PARP10: variants seen among roughly 807,000 people sequenced by gnomAD.
The protein encoded by PARP10 is poly(ADP-ribose) polymerase family member 10.
A neutral mutation model predicts 82.4 loss-of-function variants in PARP10; 56 were observed. The observed-to-expected ratio is 0.68, with a 90% confidence interval of 0.55 to 0.85. PARP10 has a LOEUF of 0.85. Among genes scored for constraint, PARP10 ranks in the 40% least tolerant of loss-of-function variants. PARP10 has a pLI of 0.00. For synonymous variants in PARP10, 576 were observed against 601.1 expected, an observed-to-expected ratio of 0.96 and a Z score of 0.61; for missense variants, 1,227 against 1,379.4, an observed-to-expected ratio of 0.89 and a Z score of 1.75.
At chr8:143,991,472 C>G, upstream of PARP10, 1 of 1,509,660 alleles carries the variant, frequency 6.6e-7, no homozygotes, top group Non-Finnish European at 8.8e-7. Flanking sequence ...CACAGGGCCC[C>G]TACCCACAAG....
At chr8:143,991,243 T>G, upstream of PARP10, 2 of 1,576,400 alleles carry the variant, frequency 1.3e-6, no homozygotes, top group Non-Finnish European at 1.7e-6. Flanking sequence ...GAAAAGAGTT[T>G]TTTGGTGTCT....
upstream of PARP10, chr8:143,991,672 C>T (rs1554750526): frequency 1.3e-6 from 2 of 1,597,664 alleles, no homozygotes; most frequent in South Asian, 1.1e-5. Context: ...TGGCGCTGAC[C>T]CAGCCTGTCT....
chr8:144,009,438 T>A (rs1409843043), intron 1 of PARP10, among the ~76,000 whole-genome samples: 1 of 152,216 alleles, frequency 6.6e-6, no homozygotes, highest in Admixed American at 6.5e-5. Context: ...GCACTTCTGC[T>A]GTATGTCCTC....
upstream of PARP10, chr8:143,986,503 G>T: frequency 7.6e-7 from 1 of 1,312,340 alleles, no homozygotes; most frequent in Admixed American, 1.8e-5. Context: ...CTGGGCCCTG[G>T]GCGCTGAGGC....
intron 1 of PARP10, among the ~76,000 whole-genome samples, chr8:143,998,293 C>T (rs1255018588): frequency 1.3e-5 from 2 of 152,136 alleles, no homozygotes; most frequent in Non-Finnish European, 2.9e-5. Context: ...CAGCTAGGAA[C>T]CTAGAGGGCT....
At chr8:143,983,875 G>T in intron 7 of PARP10, 64 bp from the exon 8 acceptor site, 1 of 1,520,464 alleles carries the variant, frequency 6.6e-7, no homozygotes, top group Non-Finnish European at 8.8e-7. Flanking sequence ...ATGGATGAAA[G>T]ATGGGGAGCA....
chr8:143,985,729 G>A lies in PARP10; in HGVS notation c.428C>T (p.Ser143Phe). ...CCAACCCTGCCTCTCACCTGCCTCA[G>A]AAAGGGGCTTGGGCAACTGGACCAG... ...RALVQLPKPL[S>F]EADVRVLEEQ... is the part of the protein sequence containing the mutation. Residue 143 changes from serine (S) to phenylalanine (F), a missense_variant, in exon 3 of 11, where the codon TCT becomes TTT. Coordinates refer to ENST00000313028, the MANE Select transcript of PARP10 (RefSeq NM_032789.5). The A allele has an allele frequency of 1.9e-6, 3 of 1,604,770 alleles. No homozygotes were observed. Among genetic ancestry groups the A allele is most frequent in the Non-Finnish European group, 1.7e-6 (2 of 1,174,418 alleles).
chr8:143,983,323 G>A lies in PARP10; in HGVS notation c.2266C>T (p.Arg756Trp), dbSNP rs782311642. The change falls in exon 8 of 11, where the codon CGG (arginine) becomes TGG (tryptophan). Residue 756 changes from arginine (R) to tryptophan (W), a missense_variant. Transcript: ENST00000313028. ...LPAELRARLE[R>W]CHGVSVALRG... is the part of the protein sequence containing the mutation. The stretch of plus-strand genomic sequence containing the variant: ...AGGGCAACACTCACACCATGGCACC[G>A]CTCCAGGCGAGCACGCAGCTCTGCA... 5.6e-6 allele frequency: 9 copies of A among 1,611,458 alleles called. No homozygotes were observed. Among genetic ancestry groups the A allele is most frequent in the East Asian group, 2.2e-5 (1 of 44,816 alleles).
intron 1 of PARP10, among the ~76,000 whole-genome samples, chr8:144,010,629 C>T (rs945109882): frequency 2.0e-5 from 3 of 152,124 alleles, no homozygotes; most frequent in Non-Finnish European, 4.4e-5. Context: ...AATCCCAGCA[C>T]TTTGGGAGGC....
upstream of PARP10, chr8:143,991,676 C>T: frequency 1.3e-6 from 2 of 1,599,874 alleles, no homozygotes; most frequent in Non-Finnish European, 1.7e-6. Context: ...GCTGACCCAG[C>T]CTGTCTGCTT....
Position 143,977,464 on chromosome 8 carries a change from C to A in PARP10, c.*20G>T, listed in dbSNP as rs1382029093. Reference sequence around the variant, plus strand: ...AGCTGGGAGCCTGGGAAGCAGGAGGCCAGAGGGTGGCCCCTTCGGTTAAGT... The same window carrying A: ...AGCTGGGAGCCTGGGAAGCAGGAGGACAGAGGGTGGCCCCTTCGGTTAAGT... On this transcript the variant is annotated 3_prime_UTR_variant, in exon 11 of 11. Coordinates refer to ENST00000313028, the MANE Select transcript of PARP10 (RefSeq NM_032789.5). 1.3e-6 allele frequency: 2 copies of A among 1,519,356 alleles called. No individual in the cohort carries two copies. The highest frequency in any genetic ancestry group is 2.8e-5 in the African/African-American group (2 of 72,570). The allele number at this position is 1,519,356 out of a possible 1,614,324, so 94.1% of individuals were successfully genotyped here. A position where few individuals can be genotyped will look rare whatever the true frequency, so the allele number is the denominator to read the frequency against.
intron 9 of PARP10, among the ~76,000 whole-genome samples, chr8:143,982,296 C>T (rs1216455706): frequency 6.6e-6 from 1 of 152,052 alleles, no homozygotes; most frequent in Non-Finnish European, 1.5e-5. Context: ...GGTGAAACCC[C>T]GTCTCCACTA....
At chr8:143,996,149 G>A (rs1405878153) in intron 1 of PARP10, among the ~76,000 whole-genome samples, 6 of 152,198 alleles carry the variant, frequency 3.9e-5, no homozygotes, top group African/African-American at 1.4e-4. Flanking sequence ...GAGCAGCCAC[G>A]GGCGTGTTCA....
upstream of PARP10, chr8:143,992,352 C>T (rs150712855): frequency 1.5e-4 from 239 of 1,595,426 alleles, no homozygotes; most frequent in African/African-American, 2.6e-3. Flanking sequence ...TCTGCTTCAC[C>T]GTCGTCATCT....
At position 143,984,372 on chromosome 8, in the gene PARP10, G is replaced by A; in HGVS notation, c.1518C>T (p.Gly506=). The A allele has an allele frequency of 6.2e-7, 1 of 1,613,158 alleles. No homozygotes were observed. The highest frequency in any genetic ancestry group is 8.5e-7 in the Non-Finnish European group (1 of 1,179,820). The change falls in exon 6 of 11, where the codon GGC becomes GGT. Residue 506 remains glycine, a synonymous_variant. Coordinates refer to ENST00000313028, the MANE Select transcript of PARP10 (RefSeq NM_032789.5). ...GGCACAACACATGGCAGCTAATGCT[G>A]CCCAGCAGGCTCCGCAGAAACTCCT... ...AAEEFLRSLL[G]SISCHVLCLE...
chr8:143,984,263 C>T lies in PARP10; in HGVS notation c.1627G>A (p.Val543Ile). 6.2e-7 allele frequency: 1 copy of T among 1,613,942 alleles called. No homozygotes were observed. The highest frequency in any genetic ancestry group is 8.5e-7 in the Non-Finnish European group (1 of 1,179,838). ...GTGGCCAGGCGCTCTGTCCCAAAGA[C>T]ACACTGGAACTGAGCCTCCAGCCCC... is the stretch of plus-strand genomic sequence containing the variant. ...LQGLEAQFQCVFGTERLATAT... is the reference protein window; with the variant it reads ...LQGLEAQFQCIFGTERLATAT... The change falls in exon 6 of 11, where the codon GTC becomes ATC. Residue 543 changes from valine to isoleucine, a missense_variant. Coordinates refer to ENST00000313028, the MANE Select transcript of PARP10 (RefSeq NM_032789.5).
upstream of PARP10, chr8:143,991,865 G>C (rs782253446): frequency 5.6e-6 from 9 of 1,610,134 alleles, no homozygotes; most frequent in African/African-American, 1.2e-4. Context: ...ACTCTGAGCG[G>C]CTCCTTCCCC....
Position 143,983,482 on chromosome 8 carries a change from TCCC to T in PARP10, c.2104_2106del (p.Gly702del), listed in dbSNP as rs1833911729. 1.9e-6 allele frequency: 3 copies of T among 1,606,560 alleles called. No homozygotes were observed. The highest frequency in any genetic ancestry group is 2.5e-6 in the Non-Finnish European group (3 of 1,178,138). ...ACCACCAGCTGGGCCTTGCCATCAGTCCCCCCATCTGGGGGCTCTTCTGCCTCC... is the reference window on the plus strand; with the variant it reads ...ACCACCAGCTGGGCCTTGCCATCAGTCCCATCTGGGGGCTCTTCTGCCTCC... On this transcript the variant is annotated inframe_deletion, in exon 8 of 11. Coordinates refer to ENST00000313028, the MANE Select transcript of PARP10 (RefSeq NM_032789.5).
At chr8:144,003,687 A>G (rs1834217418) in intron 1 of PARP10, among the ~76,000 whole-genome samples, 1 of 152,068 alleles carries the variant, frequency 6.6e-6, no homozygotes, top group South Asian at 2.1e-4. Flanking sequence ...GTTCCAGGAC[A>G]GAGTTCTAGA....
Sources: gnomAD v4.1 joint callset for allele counts (sites outside exome capture counted in the v4.1 genomes callset) on GRCh38, gnomAD v4.1.1 for gene constraint, MANE v1.5 for transcripts, NCBI Gene and HGNC (gene_info 2026-07-23, HGNC 2026-07-21) for gene names.